CCND1: variants seen among roughly 807,000 people sequenced by gnomAD.
CCND1 encodes cyclin D1, also known as G1/S-specific cyclin-D1.
CCND1 carries 9 observed loss-of-function variants against 26.1 expected under a neutral mutation model. The observed-to-expected ratio is 0.35, with a 90% confidence interval of 0.21 to 0.60. CCND1 has a LOEUF of 0.60. CCND1 is among the 20% of genes least tolerant of loss of function. The probability of loss-of-function intolerance (pLI) is 0.79; values close to 1 mark genes in which losing one functional copy is unlikely to be tolerated. For missense variants in CCND1, 335 were observed against 392.9 expected (o/e 0.85, Z 1.25); for synonymous variants, 194 against 166.1 (o/e 1.17, Z -1.29).
In CCND1 at chr11:69,651,290, A is replaced by G. The variant is rs1855852509; in HGVS notation, c.*8A>G. 2 of 1,474,776 alleles carry G rather than the reference A, an allele frequency of 1.4e-6. No individual in the cohort carries two copies. The highest frequency in any genetic ancestry group is 9.0e-7 in the Non-Finnish European group (1 of 1,109,520). 91.4% of individuals were successfully genotyped at this position (1,474,776 alleles called of 1,614,324 possible). ...CGGGACGTGGACATCTGAGGGCGCC[A>G]GGCAGGCGGGCGCCACCGCCACCCG... On this transcript the variant is annotated 3_prime_UTR_variant, in exon 5 of 5. Transcript: ENST00000227507.
intron 2 of CCND1, 93 bp downstream of exon 2, chr11:69,643,339 C>T: frequency 9.7e-7 from 1 of 1,029,348 alleles, no homozygotes; most frequent in Non-Finnish European, 1.4e-6. Context: ...GCCGGCCCGC[C>T]TCTGACATAT....
chr11:69,651,143 A>G lies in CCND1; in HGVS notation c.749A>G (p.Gln250Arg), dbSNP rs1377678585. The change falls in exon 5 of 5, where the codon CAG becomes CGG. Residue 250 changes from glutamine (Q) to arginine (R), a missense_variant. Coordinates refer to ENST00000227507, the MANE Select transcript of CCND1 (RefSeq NM_053056.3). ...DPDCLRACQEQIEALLESSLR... is the reference protein window; with the variant it reads ...DPDCLRACQERIEALLESSLR... ...GACTGCCTCCGGGCCTGCCAGGAGC[A>G]GATCGAAGCCCTGCTGGAGTCAAGC... is the stretch of plus-strand genomic sequence containing the variant. 6.2e-7 allele frequency: 1 copy of G among 1,613,352 alleles called. No individual in the cohort carries two copies. The highest frequency in any genetic ancestry group is 2.2e-5 in the East Asian group (1 of 44,782).
In CCND1 at chr11:69,653,201, T is replaced by C; in HGVS notation, c.*1919T>C. Reference sequence around the variant, plus strand: ...GGAGGCTCCCGAGGGGAAGGGGCGGTGCCCACACCGGGGACAGGCCGCAGC... The same window carrying C: ...GGAGGCTCCCGAGGGGAAGGGGCGGCGCCCACACCGGGGACAGGCCGCAGC... On this transcript the variant is annotated 3_prime_UTR_variant, in exon 5 of 5. Coordinates refer to ENST00000227507, the MANE Select transcript of CCND1 (RefSeq NM_053056.3). 1 of 686,346 alleles carries C rather than the reference T, an allele frequency of 1.5e-6. No homozygotes were observed. Among genetic ancestry groups the C allele is most frequent in the Non-Finnish European group, 2.7e-6 (1 of 377,280 alleles). The allele number at this position is 686,346 out of a possible 1,614,324, so 42.5% of individuals were successfully genotyped here. A position where few individuals can be genotyped will look rare whatever the true frequency, so the allele number is the denominator to read the frequency against.
intron 3 of CCND1, 160 bp downstream of exon 3, chr11:69,644,151 C>T: frequency 1.4e-6 from 1 of 718,892 alleles, no homozygotes; most frequent in East Asian, 2.7e-5. Context: ...AGCAGAGGCC[C>T]TGGATTGTTT....
At chr11:69,645,298 A>G (rs1043455345) in intron 3 of CCND1, among the ~76,000 whole-genome samples, 2 of 152,154 alleles carry the variant, frequency 1.3e-5, no homozygotes, top group African/African-American at 4.8e-5. Context: ...GAGAAATGCA[A>G]AGTTTCCTGG....
chr11:69,642,124 TG>T (rs1219713733), intron 1 of CCND1, among the ~76,000 whole-genome samples: 1 of 132,992 alleles, frequency 7.5e-6, no homozygotes, highest in African/African-American at 2.9e-5. Context: ...TGGGTAGTTT[TG>T]GGGGGACGCC....
At chr11:69,650,112 G>A (rs1855835835) in intron 4 of CCND1, among the ~76,000 whole-genome samples, 1 of 152,348 alleles carries the variant, frequency 6.6e-6, no homozygotes, top group East Asian at 1.9e-4. Flanking sequence ...CTGGTTGGGA[G>A]TTAAGTGGCA....
chr11:69,651,140 A>G lies in CCND1; in HGVS notation c.746A>G (p.Glu249Gly). 2 of 1,613,166 alleles carry G rather than the reference A, an allele frequency of 1.2e-6. No individual in the cohort carries two copies. Among genetic ancestry groups the G allele is most frequent in the Non-Finnish European group, 1.7e-6 (2 of 1,179,566 alleles). The change falls in exon 5 of 5, where the codon GAG becomes GGG. Residue 249 changes from glutamate to glycine, a missense_variant. Coordinates refer to ENST00000227507, the MANE Select transcript of CCND1 (RefSeq NM_053056.3). ...CAGGACTGCCTCCGGGCCTGCCAGG[A>G]GCAGATCGAAGCCCTGCTGGAGTCA... is the stretch of plus-strand genomic sequence containing the variant. ...CDPDCLRACQ[E>G]QIEALLESSL... is the part of the protein sequence containing the mutation.
In CCND1 at chr11:69,654,088, C is replaced by T; in HGVS notation, c.*2806C>T. On this transcript the variant is annotated 3_prime_UTR_variant, in exon 5 of 5. Transcript: ENST00000227507. The surrounding 1 kb of genome is among the most constrained non-coding windows in gnomAD (Gnocchi z 6.3). ...GGGGCCCTGCCCTGGCAGGGTCATC[C>T]TGTGCTCGGAGGCCATCTCGGGCAC... The T allele has an allele frequency of 1.6e-6, 1 of 639,882 alleles. No individual in the cohort carries two copies. Among genetic ancestry groups the T allele is most frequent in the Non-Finnish European group, 2.8e-6 (1 of 352,832 alleles). The allele number at this position is 639,882 out of a possible 1,614,324, so 39.6% of individuals were successfully genotyped here. A position where few individuals can be genotyped will look rare whatever the true frequency, so the allele number is the denominator to read the frequency against.
rs1233125326 is a variant in CCND1, at chr11:69,652,461, G to C, written c.*1179G>C. The C allele has an allele frequency of 3.0e-5, 7 of 233,476 alleles. No individual in the cohort carries two copies. The highest frequency in any genetic ancestry group is 1.3e-4 in the African/African-American group (6 of 45,320). 14.5% of individuals were successfully genotyped at this position (233,476 alleles called of 1,614,324 possible). On this transcript the variant is annotated 3_prime_UTR_variant, in exon 5 of 5. Coordinates refer to ENST00000227507, the MANE Select transcript of CCND1 (RefSeq NM_053056.3). ...GTGGCAGTGGAGGTGGGGTGTTTGG[G>C]AGGCTGCGTGCCAGTCAAGAAGAAA...
At chr11:69,648,339 T>A in intron 4 of CCND1, 197 bp downstream of exon 4, 1 of 600,656 alleles carries the variant, frequency 1.7e-6, no homozygotes, top group South Asian at 2.2e-5. Context: ...ACTGACTGGC[T>A]GGGAGGTCCT....
At chr11:69,643,700 G>A in intron 2 of CCND1, 132 bp from the exon 3 acceptor site, 1 of 779,140 alleles carries the variant, frequency 1.3e-6, no homozygotes, top group Non-Finnish European at 2.0e-6. Context: ...CAACATCCAG[G>A]ACCGCACGAG....
chr11:69,644,229 A>G, intron 3 of CCND1: 1 of 557,564 alleles, frequency 1.8e-6, no homozygotes, highest in Non-Finnish European at 3.2e-6. Flanking sequence ...ATTGGTGTGG[A>G]CGGCTCAGCC....
chr11:69,643,160 G>T lies in CCND1; in HGVS notation c.328G>T (p.Ala110Ser). 1 of 1,609,266 alleles carries T rather than the reference G, an allele frequency of 6.2e-7. No individual in the cohort carries two copies. The highest frequency in any genetic ancestry group is 8.5e-7 in the Non-Finnish European group (1 of 1,178,092). Residue 110 changes from alanine (A) to serine (S), a missense_variant, in exon 2 of 5, where the codon GCC becomes TCC. Transcript: ENST00000227507. ...GCTGGGGGCCACTTGCATGTTCGTG[G>T]CCTCTAAGATGAAGGAGACCATCCC... ...QLLGATCMFV[A>S]SKMKETIPLT...
chr11:69,647,386 C>T (rs932658362), intron 3 of CCND1, among the ~76,000 whole-genome samples: 6 of 152,142 alleles, frequency 3.9e-5, no homozygotes, highest in Admixed American at 6.5e-5. Context: ...GGGCCTGAGC[C>T]GCAGCCACAC....
chr11:69,645,371 C>T (rs954197664), intron 3 of CCND1, among the ~76,000 whole-genome samples: 2 of 152,208 alleles, frequency 1.3e-5, no homozygotes, highest in Admixed American at 6.5e-5. Flanking sequence ...AGTGGAGCTC[C>T]CCTCCCAGGA....
At chr11:69,643,439 T>C (rs2120091512) in intron 2 of CCND1, 193 bp downstream of exon 2, 1 of 495,738 alleles carries the variant, frequency 2.0e-6, no homozygotes, top group East Asian at 3.6e-5. Flanking sequence ...CGCCGCCCTG[T>C]GTGCGCTTGC....
In CCND1 at chr11:69,653,997, T is replaced by C. The variant is rs1004993622; in HGVS notation, c.*2715T>C. The C allele has an allele frequency of 1.7e-6, 1 of 597,378 alleles. No individual in the cohort carries two copies. Among genetic ancestry groups the C allele is most frequent in the Non-Finnish European group, 3.0e-6 (1 of 335,310 alleles). The allele number at this position is 597,378 out of a possible 1,614,324, so 37.0% of individuals were successfully genotyped here. ...AATGAAGCCAGCTCACAGTGCTGTG[T>C]GCCCCGGTCACCTAGCAAGCTGCCG... On this transcript the variant is annotated 3_prime_UTR_variant, in exon 5 of 5. Transcript: ENST00000227507.
chr11:69,651,360 C>G lies in CCND1; in HGVS notation c.*78C>G. On this transcript the variant is annotated 3_prime_UTR_variant, in exon 5 of 5. Coordinates refer to ENST00000227507, the MANE Select transcript of CCND1 (RefSeq NM_053056.3). ...CCCAGGTGCTCCCCTGACAGTCCCT[C>G]CTCTCCGGAGCATTTTGATACCAGA... 1 of 1,236,132 alleles carries G rather than the reference C, an allele frequency of 8.1e-7. No homozygotes were observed. Among genetic ancestry groups the G allele is most frequent in the South Asian group, 1.8e-5 (1 of 55,200 alleles). 76.6% of individuals were successfully genotyped at this position (1,236,132 alleles called of 1,614,324 possible). A position where few individuals can be genotyped will look rare whatever the true frequency, so the allele number is the denominator to read the frequency against.
Sources: gnomAD v4.1 joint callset for allele counts (sites outside exome capture counted in the v4.1 genomes callset) on GRCh38, gnomAD v4.1.1 for gene constraint, Gnocchi (gnomAD v3.1) non-coding constraint, MANE v1.5 for transcripts, NCBI Gene and HGNC (gene_info 2026-07-23, HGNC 2026-07-21) for gene names.